GLCCI1: variants seen among roughly 807,000 people sequenced by gnomAD.
The protein encoded by GLCCI1 is glucocorticoid induced 1, also known as glucocorticoid-induced transcript 1 protein.
GLCCI1 carries 24 observed loss-of-function variants against 52.2 expected under a neutral mutation model. The observed-to-expected ratio is 0.46, with a 90% CI of 0.33 to 0.65. The LOEUF (loss-of-function observed/expected upper bound fraction) is 0.65. Among genes scored for constraint, GLCCI1 ranks in the 30% least tolerant of loss-of-function variants. GLCCI1 has a pLI of 0.02. For missense variants in GLCCI1, 704 were observed against 701.5 expected (o/e 1.00, Z -0.04); for synonymous variants, 310 against 276.5 (o/e 1.12, Z -1.20).
intron 1 of GLCCI1, among the ~76,000 whole-genome samples, chr7:7,998,644 G>A (rs1010351703): frequency 6.6e-6 from 1 of 152,182 alleles, no homozygotes; most frequent in Non-Finnish European, 1.5e-5. Context: ...GTGTTCCTAA[G>A]CATTCTACCT....
At chr7:7,991,787 A>G (rs1780842578) in intron 1 of GLCCI1, among the ~76,000 whole-genome samples, 1 of 152,132 alleles carries the variant, frequency 6.6e-6, no homozygotes, top group African/African-American at 2.4e-5. Flanking sequence ...CATAAAAGGA[A>G]CTACTATTTC....
At chr7:8,073,182 T>G (rs2127965625) in intron 6 of GLCCI1, among the ~76,000 whole-genome samples, 1 of 152,292 alleles carries the variant, frequency 6.6e-6, no homozygotes, top group Non-Finnish European at 1.5e-5. Flanking sequence ...CTGGGAAGTT[T>G]TGGACATAAA....
chr7:8,060,203 A>G lies in GLCCI1; in HGVS notation c.921A>G (p.Glu307=). 1 of 1,612,322 alleles carries G rather than the reference A, an allele frequency of 6.2e-7. No homozygotes were observed. Among genetic ancestry groups the G allele is most frequent in the African/African-American group, 1.3e-5 (1 of 75,016 alleles). The stretch of plus-strand genomic sequence containing the variant: ...TAGAAGGAATAAGTCCTGAATTAGA[A>G]AAGGTATTCATTAAAGAAAATAATG... ...CNVEGISPEL[E]KVFIKENNGK... Residue 307 remains glutamate (E), a synonymous_variant, in exon 5 of 8, where the codon GAA becomes GAG. Coordinates refer to ENST00000223145, the MANE Select transcript of GLCCI1 (RefSeq NM_138426.4).
chr7:8,043,826 A>G (rs532079443), intron 3 of GLCCI1, among the ~76,000 whole-genome samples: 1 of 152,358 alleles, frequency 6.6e-6, no homozygotes, highest in African/African-American at 2.4e-5. Flanking sequence ...AACAGGCTAT[A>G]AAAATGAGAG....
intron 1 of GLCCI1, chr7:7,981,815 A>C: frequency 2.4e-6 from 1 of 423,630 alleles, no homozygotes; most frequent in Non-Finnish European, 4.7e-6. Context: ...CTGAAAGATA[A>C]AGTAAGCCCA....
chr7:7,969,332 C>A lies in GLCCI1; in HGVS notation c.-19C>A. 1 of 1,454,600 alleles carries A rather than the reference C, an allele frequency of 6.9e-7. No individual in the cohort carries two copies. The highest frequency in any genetic ancestry group is 1.3e-5 in the South Asian group (1 of 78,636). 90.1% of individuals were successfully genotyped at this position (1,454,600 alleles called of 1,614,324 possible). A position where few individuals can be genotyped will look rare whatever the true frequency, so the allele number is the denominator to read the frequency against. ...CGCCTCCGTGTCGGCCGGCGGCGTC[C>A]AGGGCCCGCAGAGCCACCATGTCCA... is the stretch of plus-strand genomic sequence containing the variant. On this transcript the variant is annotated 5_prime_UTR_variant, in exon 1 of 8. Transcript: ENST00000223145. This position sits in a 1 kb window ranked among gnomAD's most constrained non-coding sequence, Gnocchi z 4.9.
chr7:7,972,750 A>G (rs1435440644), intron 1 of GLCCI1, among the ~76,000 whole-genome samples: 1 of 152,104 alleles, frequency 6.6e-6, no homozygotes, highest in East Asian at 1.9e-4. Flanking sequence ...GGAATAGTCA[A>G]TTTTAATATT....
chr7:7,981,338 G>A (rs1447860572), intron 1 of GLCCI1: 2 of 215,272 alleles, frequency 9.3e-6, no homozygotes, highest in Non-Finnish European at 1.7e-5. Flanking sequence ...TTCTTTTTTT[G>A]TTGAGATGGA....
At chr7:8,022,626 G>A (rs373735984) in intron 3 of GLCCI1, 57 bp downstream of exon 3, 208 of 1,048,856 alleles carry the variant, frequency 2.0e-4, no homozygotes, top group Non-Finnish European at 2.6e-4. Context: ...GATTACCTTA[G>A]TATTTCCTGA....
In GLCCI1 at chr7:8,088,532, T is replaced by A. The variant is rs1783168733; in HGVS notation, c.*1994T>A. On this transcript the variant is annotated 3_prime_UTR_variant, in exon 8 of 8. Transcript: ENST00000223145. ...AATACTATATTTTGTAGATTATGGT[T>A]AAAGGGGGAAAATTACTAGTTCCGT... is the stretch of plus-strand genomic sequence containing the variant. 1 of 152,584 alleles carries A rather than the reference T, an allele frequency of 6.6e-6. No individual in the cohort carries two copies. Among genetic ancestry groups the A allele is most frequent in the Admixed American group, 6.6e-5 (1 of 15,262 alleles). The allele number at this position is 152,584 out of a possible 1,614,324, so 9.5% of individuals were successfully genotyped here.
rs533174683 is a variant in GLCCI1 at position 8,077,972 on chromosome 7, C to T, written c.1177+6841C>T. Among the ~76,000 whole-genome samples, 6 of 152,176 alleles carry T rather than the reference C, an allele frequency of 3.9e-5. No homozygotes were observed. In the East Asian group the frequency reaches 7.7e-4, roughly 20 times the overall value. ...TATTTAGGCCGGGCGCGGTGGCTCA[C>T]GCCTGTAATCCCAGCACTTTGGGAG... On this transcript the variant is annotated intron_variant, in intron 6 of 7. Transcript: ENST00000223145.
chr7:8,073,463 G>A (rs1336024541), intron 6 of GLCCI1, among the ~76,000 whole-genome samples: 1 of 151,938 alleles, frequency 6.6e-6, no homozygotes, highest in Non-Finnish European at 1.5e-5. Context: ...CTACATACCA[G>A]ATATCTGCCT....
chr7:8,048,203 T>G (rs1782177476), intron 3 of GLCCI1, among the ~76,000 whole-genome samples: 1 of 152,210 alleles, frequency 6.6e-6, no homozygotes, highest in Admixed American at 6.5e-5. Context: ...GATCCCCTGT[T>G]CTGCACATCT....
At chr7:8,046,004 A>AAGT (rs1782116053) in intron 3 of GLCCI1, among the ~76,000 whole-genome samples, 1 of 152,142 alleles carries the variant, frequency 6.6e-6, no homozygotes, top group Non-Finnish European at 1.5e-5. Flanking sequence ...TGTTCAAATG[A>AAGT]AGTCATAATT....
rs1337522440 is a variant in GLCCI1 at position 7,969,244 on chromosome 7, C to G, written c.-107C>G. On this transcript the variant is annotated 5_prime_UTR_variant, in exon 1 of 8. Transcript: ENST00000223145. The surrounding 1 kb of genome is among the most constrained non-coding windows in gnomAD (Gnocchi z 4.9). Reference sequence around the variant, plus strand: ...CCCCACAGCGATACCCCCGCCCCTCCCCCTTACACACTCGCACGCACTATC... The same window carrying G: ...CCCCACAGCGATACCCCCGCCCCTCGCCCTTACACACTCGCACGCACTATC... 3.0e-5 allele frequency: 32 copies of G among 1,082,810 alleles called. No individual in the cohort carries two copies. Among genetic ancestry groups the G allele is most frequent in the Non-Finnish European group, 3.2e-5 (28 of 865,668 alleles). The allele number at this position is 1,082,810 out of a possible 1,614,324, so 67.1% of individuals were successfully genotyped here.
chr7:7,977,622 T>A (rs1432865088), intron 1 of GLCCI1, among the ~76,000 whole-genome samples: 1 of 152,208 alleles, frequency 6.6e-6, no homozygotes, highest in Admixed American at 6.6e-5. Context: ...TCTTATCTTC[T>A]GTGTCTTTAA....
chr7:7,980,931 A>G lies in GLCCI1; in HGVS notation c.457+11124A>G, dbSNP rs1434221028. 1.8e-5 allele frequency: 11 copies of G among 596,708 alleles called. No individual in the cohort carries two copies. The East Asian group carries it at 3.5e-4, about 19-fold the overall frequency. The allele number at this position is 596,708 out of a possible 1,614,324, so 37.0% of individuals were successfully genotyped here. A position where few individuals can be genotyped will look rare whatever the true frequency, so the allele number is the denominator to read the frequency against. ...ATTTATTAATCCCTGATCAATCACC[A>G]GAACCTACAAGGGAACAATTAAAGA... is the stretch of plus-strand genomic sequence containing the variant. On this transcript the variant is annotated intron_variant, in intron 1 of 7. Coordinates refer to ENST00000223145, the MANE Select transcript of GLCCI1 (RefSeq NM_138426.4).
At chr7:8,028,416 A>C (rs531265112) in intron 3 of GLCCI1, among the ~76,000 whole-genome samples, 5 of 152,200 alleles carry the variant, frequency 3.3e-5, no homozygotes, top group African/African-American at 4.8e-5. Context: ...GAAACAAATG[A>C]TAATGGAAGC....
chr7:7,994,609 T>C (rs1477662133), intron 1 of GLCCI1, among the ~76,000 whole-genome samples: 1 of 152,226 alleles, frequency 6.6e-6, no homozygotes, highest in East Asian at 1.9e-4. Flanking sequence ...CCTCATGGCC[T>C]AATTGCCTCT....
Sources: allele counts gnomAD v4.1 joint callset (sites outside exome capture counted in the v4.1 genomes callset), GRCh38; gene constraint gnomAD v4.1.1; non-coding constraint Gnocchi (gnomAD v3.1); transcripts MANE v1.5; gene names NCBI Gene and HGNC (gene_info 2026-07-23, HGNC 2026-07-21).